Variants in SAMD5 observed in about 807,000 individuals in gnomAD.
The protein encoded by SAMD5 is sterile alpha motif domain containing 5.
In SAMD5, 13 loss-of-function variants were observed where a neutral mutation model predicts 11.3. That is an observed-to-expected ratio of 1.15 (90% CI 0.75 to 1.83). The LOEUF (loss-of-function observed/expected upper bound fraction) is 1.83, where lower values mean the gene tolerates loss of function less well. Ranked by LOEUF, SAMD5 falls within the 40% of genes most tolerant of loss-of-function variation. SAMD5 has a pLI of 0.00. For missense variants in SAMD5, 255 were observed against 239.1 expected, an observed-to-expected ratio of 1.07 and a Z score of -0.44; for synonymous variants, 129 against 111.3, an observed-to-expected ratio of 1.16 and a Z score of -1.00.
Position 147,658,426 on chromosome 6 carries a change from TTC to T in SAMD5, c.163-78890_163-78889del, listed in dbSNP as rs1209285679. Among the ~76,000 whole-genome samples, 12 of 149,300 alleles carry T rather than the reference TTC, an allele frequency of 8.0e-5. No individual in the cohort carries two copies. The East Asian group carries it at 1.7e-3, about 21-fold the overall frequency. On this transcript the variant is annotated intron_variant, in intron 1 of 1. Transcript: ENST00000566741. ...AGATGATGGTTTATTTATTTATTTA[TTC>T]ATATATATATTTTAATTTTTATGAG...
chr6:147,754,347 C>CTTT, the SAMD5 span, among the ~76,000 whole-genome samples: 10,652 of 130,450 alleles, frequency 0.082, 705 homozygotes, highest in African/African-American at 0.17. Flanking sequence ...ATTTGTATGT[C>CTTT]TTTTTTTTTT....
intron 1 of SAMD5, among the ~76,000 whole-genome samples, chr6:147,709,131 C>A (rs1440910912): frequency 6.6e-6 from 1 of 152,144 alleles, no homozygotes; most frequent in East Asian, 1.9e-4. Context: ...TATTTGCAAG[C>A]TATTCTTCAA....
At chr6:147,553,338 C>G (rs963404854) in intron 1 of SAMD5, among the ~76,000 whole-genome samples, 10 of 152,192 alleles carry the variant, frequency 6.6e-5, no homozygotes, top group Admixed American at 2.6e-4. Flanking sequence ...CAGAGGACTT[C>G]ATGTCTGTCC....
At chr6:147,796,411 G>C in the SAMD5 span, among the ~76,000 whole-genome samples, 1 of 152,026 alleles carries the variant, frequency 6.6e-6, no homozygotes, top group African/African-American at 2.4e-5. Flanking sequence ...GCTCTGTTCC[G>C]TTCCATTGAT....
chr6:147,663,665 G>A lies in SAMD5; in HGVS notation c.163-73652G>A, dbSNP rs560790643. On this transcript the variant is annotated intron_variant, in intron 1 of 1. Transcript: ENST00000566741. ...AAATTAGCCAGGTGTGGTGGTGCAC[G>A]CCTGTAATCCCGGCTACTCAGGAGG... 9.5e-4 allele frequency among the ~76,000 whole-genome samples: 144 copies of A among 151,432 alleles called. 1 individual carries two copies. The Middle Eastern group carries it at 0.024, about 25-fold the overall frequency.
the SAMD5 span, among the ~76,000 whole-genome samples, chr6:147,944,744 A>G: frequency 6.6e-6 from 1 of 152,226 alleles, no homozygotes; most frequent in East Asian, 1.9e-4. Flanking sequence ...TTTCTTCAAC[A>G]ACAGAAATTT....
At chr6:147,888,795 G>T in the SAMD5 span, among the ~76,000 whole-genome samples, 1 of 151,030 alleles carries the variant, frequency 6.6e-6, no homozygotes, top group East Asian at 2.0e-4. Flanking sequence ...TGAGGCAGGA[G>T]AATCACTTGA....
the SAMD5 span, among the ~76,000 whole-genome samples, chr6:147,877,615 A>C: frequency 2.6e-5 from 4 of 152,134 alleles, no homozygotes; most frequent in Non-Finnish European, 4.4e-5. Flanking sequence ...TGATGTGTTT[A>C]ATATTTAAAT....
chr6:147,939,082 T>C, the SAMD5 span, among the ~76,000 whole-genome samples: 1 of 152,110 alleles, frequency 6.6e-6, no homozygotes, highest in African/African-American at 2.4e-5. Flanking sequence ...CACTCACAGA[T>C]CTCAGGTAGA....
At position 147,737,240 on chromosome 6, in the gene SAMD5, C is replaced by CT. The variant is rs1562363610; in HGVS notation, c.163-77_163-76insT. On this transcript the variant is annotated intron_variant, in intron 1 of 1. Transcript: ENST00000566741. ...TCGGGAAGGGTGAGTTTTCAGTTCCCCCTTCACCGTGCTTTTTCACTATGA... is the reference window on the plus strand; with the variant it reads ...TCGGGAAGGGTGAGTTTTCAGTTCCCTCCTTCACCGTGCTTTTTCACTATGA... 1.2e-5 allele frequency: 10 copies of CT among 821,032 alleles called. No individual in the cohort carries two copies. The African/African-American group carries it at 1.8e-4, about 15-fold the overall frequency. 50.9% of individuals were successfully genotyped at this position (821,032 alleles called of 1,614,324 possible). A position where few individuals can be genotyped will look rare whatever the true frequency, so the allele number is the denominator to read the frequency against.
chr6:147,627,569 G>A (rs1006115443), intron 1 of SAMD5, among the ~76,000 whole-genome samples: 1 of 152,058 alleles, frequency 6.6e-6, no homozygotes, highest in African/African-American at 2.4e-5. Flanking sequence ...ATTCTGAATG[G>A]CATCATTACA....
rs577980176 is a variant in SAMD5, at chr6:147,529,460, C to T, written c.459+20073C>T. Reference sequence around the variant, plus strand: ...TCTTCTAGAATTGAACATTCTCTTCCGCTAATAGTATAAACTTTAATTGTC... The same window carrying T: ...TCTTCTAGAATTGAACATTCTCTTCTGCTAATAGTATAAACTTTAATTGTC... On this transcript the variant is annotated intron_variant, in intron 1 of 1. Coordinates refer to ENST00000367474, the MANE Select transcript of SAMD5 (RefSeq NM_001030060.3). Among the ~76,000 whole-genome samples, 8 of 152,146 alleles carry T rather than the reference C, an allele frequency of 5.3e-5. No individual in the cohort carries two copies. The South Asian group carries it at 1.0e-3, about 20-fold the overall frequency.
intron 1 of SAMD5, among the ~76,000 whole-genome samples, chr6:147,620,989 T>TGTGC (rs1224255627): frequency 1.3e-4 from 7 of 55,496 alleles, no homozygotes; most frequent in African/African-American, 2.9e-4. Flanking sequence ...TGTGTGTGTG[T>TGTGC]GCGCGCGCGC....
chr6:147,579,603 C>A (rs1789267331), intron 1 of SAMD5, among the ~76,000 whole-genome samples: 1 of 151,826 alleles, frequency 6.6e-6, no homozygotes, highest in Non-Finnish European at 1.5e-5. Flanking sequence ...GTAGCTGGGA[C>A]TACAGGCATA....
chr6:147,687,372 TC>T (rs375962171), intron 1 of SAMD5, among the ~76,000 whole-genome samples: 1,633 of 142,352 alleles, frequency 0.011, 40 homozygotes, highest in African/African-American at 0.041. Flanking sequence ...AACCCTGACC[TC>T]CCGGGTTCAA....
At chr6:147,511,391 A>C (rs1156511533) in intron 1 of SAMD5, among the ~76,000 whole-genome samples, 1 of 152,266 alleles carries the variant, frequency 6.6e-6, no homozygotes, top group East Asian at 1.9e-4. Flanking sequence ...CATTTGCATA[A>C]GTGCAGTTTA....
At position 147,644,770 on chromosome 6, in the gene SAMD5, G is replaced by A. The variant is rs1380468012; in HGVS notation, c.163-92547G>A. On this transcript the variant is annotated intron_variant, in intron 1 of 1. Transcript: ENST00000566741. ...GGAAAACTTTCCCCAGTATTCTGCC[G>A]TGACAACTTGCAGTATATGTGTATT... Among the ~76,000 whole-genome samples, 5 of 152,208 alleles carry A rather than the reference G, an allele frequency of 3.3e-5. No individual in the cohort carries two copies. In the East Asian group the frequency reaches 7.7e-4, roughly 24 times the overall value.
the SAMD5 span, among the ~76,000 whole-genome samples, chr6:147,946,786 T>C: frequency 6.6e-6 from 1 of 152,260 alleles, no homozygotes; most frequent in African/African-American, 2.4e-5. Context: ...TAGAAAGTTT[T>C]ACTTTATAAC....
At chr6:147,643,702 A>AGGAAAGAGACAGAAAAGAG (rs1562341085) in intron 1 of SAMD5, among the ~76,000 whole-genome samples, 1 of 151,362 alleles carries the variant, frequency 6.6e-6, no homozygotes, top group Non-Finnish European at 1.5e-5. Flanking sequence ...CTTTACTAAA[A>AGGAAAGAGACAGAAAAGAG]GGAAAGAGAC....
Sources: allele counts gnomAD v4.1 joint callset (sites outside exome capture counted in the v4.1 genomes callset), GRCh38; gene constraint gnomAD v4.1.1; transcripts MANE v1.5; gene names NCBI Gene and HGNC (gene_info 2026-07-23, HGNC 2026-07-21).